PTK2: variants seen among roughly 807,000 people sequenced by gnomAD.
PTK2 encodes the protein protein tyrosine kinase 2, also known as focal adhesion kinase 1.
PTK2 carries 45 observed loss-of-function variants against 150.1 expected under a neutral mutation model. The ratio of observed to expected loss-of-function variants is 0.30; its 90% confidence interval spans 0.24 to 0.38. The LOEUF (loss-of-function observed/expected upper bound fraction) is 0.38. Ranked by LOEUF, PTK2 falls within the 10% of genes least tolerant of loss-of-function variation. The pLI is 1.00. For synonymous variants in PTK2, 432 were observed against 449.2 expected (o/e 0.96, Z 0.48); for missense variants, 919 against 1,307.3 (o/e 0.70, Z 4.58).
intron 2 of PTK2, among the ~76,000 whole-genome samples, chr8:140,903,308 T>C (rs1000438479): frequency 9.2e-5 from 14 of 152,168 alleles, no homozygotes; most frequent in African/African-American, 2.9e-4. Flanking sequence ...TGGCGTTATT[T>C]CTGAGGCCTC....
chr8:140,892,860 A>G (rs1450705977), intron 2 of PTK2, among the ~76,000 whole-genome samples: 3 of 152,154 alleles, frequency 2.0e-5, no homozygotes, highest in Non-Finnish European at 4.4e-5. Flanking sequence ...AGTGTAGGCA[A>G]GGATGTGAAG....
chr8:140,904,772 T>C (rs183051278), intron 2 of PTK2, among the ~76,000 whole-genome samples: 39 of 152,324 alleles, frequency 2.6e-4, no homozygotes, highest in African/African-American at 9.4e-4. Flanking sequence ...CTAGATTTTC[T>C]AGTTTATTTG....
chr8:140,804,208 A>G (rs1261764593), intron 10 of PTK2, among the ~76,000 whole-genome samples: 1 of 147,370 alleles, frequency 6.8e-6, no homozygotes, highest in African/African-American at 2.6e-5. Context: ...TTTCCTAAGT[A>G]GCATAAACTT....
rs118015556 is a variant in PTK2 at position 140,817,321 on chromosome 8, G to A, written c.867+956C>T. On this transcript the variant is annotated intron_variant, in intron 10 of 31. Coordinates refer to ENST00000522684, the Ensembl canonical transcript of PTK2. ...GCAGGAGCTGAGCAGAGTGGGAATG[G>A]AAACCAGAGTACACTTGGAAAAAAG... 3.3e-4 allele frequency among the ~76,000 whole-genome samples: 51 copies of A among 152,290 alleles called. No individual in the cohort carries two copies. The East Asian group carries it at 9.8e-3, about 29-fold the overall frequency.
intron 26 of PTK2, among the ~76,000 whole-genome samples, chr8:140,689,569 T>G (rs979195837): frequency 1.3e-5 from 2 of 152,244 alleles, no homozygotes; most frequent in Non-Finnish European, 2.9e-5. Context: ...TTCCTGACAT[T>G]GGTTAACTCA....
Position 140,733,607 on chromosome 8 carries a change from A to G in PTK2, c.2030+1644T>C, listed in dbSNP as rs72681720. On this transcript the variant is annotated intron_variant, in intron 22 of 31. Transcript: ENST00000522684. ...GATCAAGGAGGAACAAATAGGAGCA[A>G]AACAACATGCAATAAAGCATGTCCA... 7.3e-3 allele frequency among the ~76,000 whole-genome samples: 1,116 copies of G among 152,316 alleles called. 6 individuals carry two copies. Among genetic ancestry groups the G allele is most frequent in the Non-Finnish European group, 0.011 (781 of 68,028 alleles).
intron 30 of PTK2, among the ~76,000 whole-genome samples, chr8:140,666,251 T>C (rs1022970211): frequency 2.0e-5 from 3 of 152,084 alleles, no homozygotes; most frequent in African/African-American, 7.2e-5. Context: ...GGCAGCAGAA[T>C]TGCTTGAACC....
rs868182934 is a variant in PTK2, at chr8:140,818,460, G to A, written c.790-106C>T. On this transcript the variant is annotated intron_variant, in intron 9 of 31. Coordinates refer to ENST00000522684, the Ensembl canonical transcript of PTK2. ...AAAGGACCAAAGCAGGGGCTGGTTT[G>A]GTTTGCTATTAATCTATCTAACCAA... is the stretch of plus-strand genomic sequence containing the variant. The A allele has an allele frequency of 7.4e-5, 70 of 947,140 alleles. 3 individuals carry two copies. The South Asian group carries it at 8.3e-4, about 11-fold the overall frequency. 58.7% of individuals were successfully genotyped at this position (947,140 alleles called of 1,614,324 possible).
intron 5 of PTK2, among the ~76,000 whole-genome samples, chr8:140,848,033 T>C (rs977415666): frequency 2.0e-5 from 3 of 152,198 alleles, no homozygotes; most frequent in Non-Finnish European, 4.4e-5. Context: ...ATCCTCTTCA[T>C]GTTTAGATGA....
At chr8:140,991,959 C>T (rs2100195858) in intron 1 of PTK2, among the ~76,000 whole-genome samples, 1 of 151,698 alleles carries the variant, frequency 6.6e-6, no homozygotes. Context: ...TCGCGCACTC[C>T]AGCAAGACCC....
intron 7 of PTK2, chr8:140,832,944 G>A (rs1567203702): frequency 3.9e-6 from 2 of 518,952 alleles, no homozygotes; most frequent in Non-Finnish European, 7.7e-6. Context: ...TATCCTCTCC[G>A]CCACTGTGTG....
intron 1 of PTK2, among the ~76,000 whole-genome samples, chr8:140,983,414 G>A (rs1316871993): frequency 6.7e-6 from 1 of 150,032 alleles, no homozygotes; most frequent in Non-Finnish European, 1.5e-5. Context: ...CTTTGTTAAG[G>A]CTTTCATCAA....
intron 2 of PTK2, among the ~76,000 whole-genome samples, chr8:140,918,802 A>T (rs1294088238): frequency 2.0e-5 from 3 of 152,204 alleles, no homozygotes; most frequent in Non-Finnish European, 4.4e-5. Flanking sequence ...AGAATGTCTA[A>T]CTGCAGATAG....
intron 1 of PTK2, among the ~76,000 whole-genome samples, chr8:140,981,835 C>G (rs898686925): frequency 6.6e-6 from 1 of 152,150 alleles, no homozygotes; most frequent in Non-Finnish European, 1.5e-5. Context: ...AGAAAGTCTG[C>G]TAGCCCCTGA....
chr8:140,934,770 A>T (rs1182562553), intron 1 of PTK2, among the ~76,000 whole-genome samples: 1 of 152,232 alleles, frequency 6.6e-6, no homozygotes, highest in African/African-American at 2.4e-5. Context: ...GACAGTGATG[A>T]AATTTTCTGA....
chr8:140,714,796 C>CAA (rs398010102), intron 23 of PTK2, among the ~76,000 whole-genome samples: 1,707 of 46,780 alleles, frequency 0.036, 219 homozygotes, highest in Middle Eastern at 0.054. Context: ...GGCTCTGTCT[C>CAA]AAAAAAAAAA....
chr8:140,998,676 G>T (rs1053960776), intron 1 of PTK2, among the ~76,000 whole-genome samples: 2 of 151,864 alleles, frequency 1.3e-5, no homozygotes, highest in South Asian at 4.2e-4. Context: ...AAAATTAGCC[G>T]GGCGTGGTGG....
intron 1 of PTK2, among the ~76,000 whole-genome samples, chr8:140,956,266 T>G (rs900914897): frequency 6.6e-6 from 1 of 152,074 alleles, no homozygotes; most frequent in Non-Finnish European, 1.5e-5. Flanking sequence ...ACAAGGAAAT[T>G]AATACCAGAC....
intron 15 of PTK2, 67 bp downstream of exon 17, chr8:140,764,167 A>C: frequency 7.9e-7 from 1 of 1,273,134 alleles, no homozygotes; most frequent in South Asian, 1.2e-5. Context: ...AGTAAGTATC[A>C]ATAACTTTTA....
Sources: allele counts gnomAD v4.1 joint callset (sites outside exome capture counted in the v4.1 genomes callset), GRCh38; gene constraint gnomAD v4.1.1; transcripts MANE v1.5; gene names NCBI Gene and HGNC (gene_info 2026-07-23, HGNC 2026-07-21).